Variants in SYTL2 observed in about 807,000 individuals in gnomAD.
SYTL2 encodes the protein synaptotagmin like 2.
SYTL2 carries 165 observed loss-of-function variants against 198.7 expected under a neutral mutation model. The ratio of observed to expected loss-of-function variants is 0.83; its 90% confidence interval spans 0.73 to 0.94. The LOEUF is 0.94. Among genes scored for constraint, SYTL2 ranks in the 40% least tolerant of loss-of-function variants. The pLI is 0.00. For synonymous variants in SYTL2, 966 were observed against 917.7 expected, an observed-to-expected ratio of 1.05 and a Z score of -0.95; for missense variants, 2,835 against 2,582.8, an observed-to-expected ratio of 1.10 and a Z score of -2.12.
At position 85,725,503 on chromosome 11, in the gene SYTL2, T is replaced by C; in HGVS notation, c.3855A>G (p.Lys1285=). The stretch of plus-strand genomic sequence containing the variant: ...TTAGCTGGCACTCACCACTTTCAGC[T>C]TTCTTGAGGAGAGCTGTATTTCCAA... ...ETFGNTALLK[K]AESGECQLST... Residue 1285 remains lysine, a synonymous_variant, in exon 8 of 20, where the codon AAA becomes AAG. Coordinates refer to ENST00000359152, the MANE Select transcript of SYTL2 (RefSeq NM_206927.4). 3 of 1,614,016 alleles carry C rather than the reference T, an allele frequency of 1.9e-6. No individual in the cohort carries two copies. Among genetic ancestry groups the C allele is most frequent in the Non-Finnish European group, 2.5e-6 (3 of 1,179,926 alleles).
At chr11:85,768,590 A>C (rs1392426707) in intron 1 of SYTL2, among the ~76,000 whole-genome samples, 2 of 152,324 alleles carry the variant, frequency 1.3e-5, no homozygotes, top group South Asian at 4.1e-4. Flanking sequence ...CCATGCCATT[A>C]TAAGGTTGGA....
At chr11:85,716,312 C>T (rs1161930488) in intron 11 of SYTL2, 1 of 152,210 alleles carries the variant, frequency 6.6e-6, no homozygotes, top group African/African-American at 2.4e-5. Context: ...AGGCTTGTTT[C>T]ATCTGCAGTA....
intron 8 of SYTL2, among the ~76,000 whole-genome samples, chr11:85,722,785 T>A (rs377605791): frequency 6.6e-6 from 1 of 152,090 alleles, no homozygotes. Flanking sequence ...GTTTTAGAGA[T>A]TGATATTTCA....
intron 18 of SYTL2, among the ~76,000 whole-genome samples, 164 bp downstream of exon 18, chr11:85,697,815 T>C (rs1278250968): frequency 6.6e-6 from 1 of 152,236 alleles, no homozygotes; most frequent in Non-Finnish European, 1.5e-5. Flanking sequence ...AATGAAGCCT[T>C]GAGAGTTCAT....
At chr11:85,703,156 T>C (rs1328557528) in intron 16 of SYTL2, among the ~76,000 whole-genome samples, 4 of 152,072 alleles carry the variant, frequency 2.6e-5, no homozygotes, top group Admixed American at 2.6e-4. Flanking sequence ...TAAAAAGGTA[T>C]AACATACTTG....
the SYTL2 span, among the ~76,000 whole-genome samples, chr11:85,842,091 C>T: frequency 2.0e-5 from 3 of 152,116 alleles, no homozygotes; most frequent in Admixed American, 2.0e-4. Flanking sequence ...TGGTCTACAC[C>T]CTTACAGAGT....
intron 1 of SYTL2, among the ~76,000 whole-genome samples, chr11:85,775,449 C>T (rs188401101): frequency 1.1e-4 from 17 of 152,180 alleles, no homozygotes; most frequent in Non-Finnish European, 1.6e-4. Context: ...GTAGGTAGAG[C>T]GGATAGGAAT....
At chr11:85,708,240 C>G in intron 14 of SYTL2, 1 of 316,836 alleles carries the variant, frequency 3.2e-6, no homozygotes, top group Non-Finnish European at 6.2e-6. Flanking sequence ...TCTGAGAAAA[C>G]GCTTTGGTGC....
chr11:85,764,504 T>C (rs758237237), intron 1 of SYTL2, among the ~76,000 whole-genome samples: 1 of 152,206 alleles, frequency 6.6e-6, no homozygotes, highest in Non-Finnish European at 1.5e-5. Context: ...TTTCACTGCA[T>C]CACTAATCCC....
chr11:85,745,172 A>T lies in SYTL2; in HGVS notation c.389+465T>A, dbSNP rs543949077. On this transcript the variant is annotated intron_variant, in intron 4 of 19. Transcript: ENST00000359152. ...CAGAAAGGTTAAATGTCTTGCCCATAGTCAAATGGCTAATAAATCGCAGAT... is the reference window on the plus strand; with the variant it reads ...CAGAAAGGTTAAATGTCTTGCCCATTGTCAAATGGCTAATAAATCGCAGAT... Among the ~76,000 whole-genome samples, 18 of 152,332 alleles carry T rather than the reference A, an allele frequency of 1.2e-4. No homozygotes were observed. The South Asian group carries it at 3.7e-3, about 32-fold the overall frequency.
chr11:85,774,966 A>C (rs550845655), intron 1 of SYTL2, among the ~76,000 whole-genome samples: 1 of 149,502 alleles, frequency 6.7e-6, no homozygotes, highest in East Asian at 2.0e-4. Flanking sequence ...AGGCATTTGG[A>C]CTCTGATCTC....
rs763331310 is a variant in SYTL2, at chr11:85,726,240, G to T, written c.3118C>A (p.Leu1040Ile). The change falls in exon 8 of 20, where the codon CTA becomes ATA. Residue 1040 changes from leucine (L) to isoleucine (I), a missense_variant. Physicochemically the swap from Leu to Ile is conservative, Grantham distance 5. Around this residue, in one of 3 missense-constraint regions of SYTL2, gnomAD observed 2,645 missense variants for 2,381.7 expected, o/e 1.11. Transcript: ENST00000359152. ...GKNTHEAEVL[L>I]SPKKVMAREE... ...CTTGCCATAACTTTTTTTGGGCTTA[G>T]AAGCACCTCTGCTTCATGGGTATTT... 1 of 1,613,316 alleles carries T rather than the reference G, an allele frequency of 6.2e-7. No individual in the cohort carries two copies. The highest frequency in any genetic ancestry group is 1.1e-5 in the South Asian group (1 of 90,824).
chr11:85,700,445 G>C, intron 17 of SYTL2, 70 bp downstream of exon 17: 3 of 1,253,274 alleles, frequency 2.4e-6, no homozygotes, highest in East Asian at 2.3e-5. Context: ...CTTTGAAAAC[G>C]CATAGTAAAT....
At chr11:85,775,020 A>G (rs2092427227) in intron 1 of SYTL2, among the ~76,000 whole-genome samples, 1 of 151,908 alleles carries the variant, frequency 6.6e-6, no homozygotes, top group South Asian at 2.1e-4. Context: ...ACATAAAATC[A>G]AATGACAAAA....
chr11:85,851,148 C>T, the SYTL2 span, among the ~76,000 whole-genome samples: 2 of 151,644 alleles, frequency 1.3e-5, no homozygotes, highest in African/African-American at 4.8e-5. Flanking sequence ...GCACCATGTG[C>T]ACATGTACCC....
chr11:85,847,637 T>C, the SYTL2 span, among the ~76,000 whole-genome samples: 1 of 152,214 alleles, frequency 6.6e-6, no homozygotes, highest in African/African-American at 2.4e-5. Flanking sequence ...ACACATGGTA[T>C]TGTCAGTCTT....
intron 2 of SYTL2, among the ~76,000 whole-genome samples, chr11:85,754,444 G>C (rs1325773774): frequency 1.3e-5 from 2 of 152,098 alleles, no homozygotes; most frequent in Non-Finnish European, 2.9e-5. Flanking sequence ...AGGTAGAGTG[G>C]TGAATAAAGG....
At chr11:85,808,782 A>G (rs986521115) in intron 1 of SYTL2, among the ~76,000 whole-genome samples, 7 of 152,098 alleles carry the variant, frequency 4.6e-5, no homozygotes, top group Non-Finnish European at 1.0e-4. Context: ...AGGATCTTCT[A>G]TGGAAAAGTT....
At chr11:85,765,425 C>T (rs1199503274) in intron 1 of SYTL2, among the ~76,000 whole-genome samples, 2 of 152,130 alleles carry the variant, frequency 1.3e-5, no homozygotes, top group African/African-American at 4.8e-5. Context: ...TTAGTAGAGA[C>T]GGGGTTTCAC....
Sources: gnomAD v4.1 joint callset for allele counts (sites outside exome capture counted in the v4.1 genomes callset) on GRCh38, gnomAD v4.1.1 for gene constraint, gnomAD v4.1.1 regional missense constraint, MANE v1.5 for transcripts, NCBI Gene and HGNC (gene_info 2026-07-23, HGNC 2026-07-21) for gene names.